SRGAP3: variants seen among roughly 807,000 people sequenced by gnomAD.
SRGAP3 encodes the protein SLIT-ROBO Rho GTPase activating protein 3.
SRGAP3 carries 39 observed loss-of-function variants against 121.1 expected under a neutral mutation model. That is an observed-to-expected ratio of 0.32 (90% confidence interval 0.25 to 0.42). The LOEUF (loss-of-function observed/expected upper bound fraction) is 0.42. Among genes scored for constraint, SRGAP3 ranks in the 10% least tolerant of loss-of-function variants. SRGAP3 has a pLI of 1.00. For missense variants in SRGAP3, 1,213 were observed against 1,470.6 expected (o/e 0.82, Z 2.86); for synonymous variants, 601 against 570.0 (o/e 1.05, Z -0.77).
intron 10 of SRGAP3, among the ~76,000 whole-genome samples, chr3:9,041,085 G>A (rs1490264266): frequency 6.6e-6 from 1 of 152,230 alleles, no homozygotes; most frequent in Non-Finnish European, 1.5e-5. Flanking sequence ...GAGTCAATAA[G>A]CAGATTACAC....
At chr3:9,266,376 A>T (rs966141770) in intron 3 of SRGAP3, among the ~76,000 whole-genome samples, 4 of 143,308 alleles carry the variant, frequency 2.8e-5, no homozygotes, top group African/African-American at 7.8e-5. Context: ...TATAATAATT[A>T]AAAAAAAAAA....
At chr3:9,295,220 T>G (rs887951205) in intron 3 of SRGAP3, among the ~76,000 whole-genome samples, 1 of 152,244 alleles carries the variant, frequency 6.6e-6, no homozygotes, top group African/African-American at 2.4e-5. Context: ...GTTTCTGCTC[T>G]GGTCTGTTGC....
chr3:9,351,080 T>C (rs774288485), intron 1 of SRGAP3, among the ~76,000 whole-genome samples: 2 of 152,024 alleles, frequency 1.3e-5, no homozygotes, highest in Non-Finnish European at 1.5e-5. Context: ...CTTCTTTACA[T>C]AGAGGCAAGA....
intron 4 of SRGAP3, among the ~76,000 whole-genome samples, chr3:9,078,585 G>A (rs568473831): frequency 1.1e-4 from 16 of 152,016 alleles, no homozygotes; most frequent in Non-Finnish European, 2.4e-4. Context: ...TATGTTCTAA[G>A]CATCCATTGC....
At chr3:9,131,504 T>C (rs903372302) in intron 1 of SRGAP3, among the ~76,000 whole-genome samples, 47 of 142,764 alleles carry the variant, frequency 3.3e-4, no homozygotes, top group Non-Finnish European at 1.5e-4. Flanking sequence ...AGTGGTGCGA[T>C]CTCAGCTCAC....
intron 3 of SRGAP3, among the ~76,000 whole-genome samples, chr3:9,292,252 C>A (rs1954882496): frequency 6.6e-6 from 1 of 152,204 alleles, no homozygotes; most frequent in Admixed American, 6.5e-5. Flanking sequence ...CTTTGAGTTT[C>A]TGACTCAGTA....
intron 1 of SRGAP3, among the ~76,000 whole-genome samples, chr3:9,180,598 G>A (rs536905340): frequency 2.6e-5 from 4 of 152,118 alleles, no homozygotes; most frequent in Non-Finnish European, 5.9e-5. Flanking sequence ...GAAGGCGTGG[G>A]CAAAAGCCAT....
intron 1 of SRGAP3, chr3:9,349,996 A>C (rs551100897): frequency 1.3e-5 from 2 of 152,004 alleles, no homozygotes; most frequent in Non-Finnish European, 2.9e-5. Flanking sequence ...GCCCTGACAC[A>C]TGGGCCCAGT....
In SRGAP3 at chr3:9,013,525, A is replaced by C; in HGVS notation, c.1930T>G (p.Tyr644Asp). ...LFAFLNHLSQ[Y>D]SDENMMDPYN... ...GGATCCATCATGTTCTCGTCGCTAT[A>C]CTGGGAGAGGCTAGGAGAGAGGAGT... The change falls in exon 17 of 22, where the codon TAT (tyrosine) becomes GAT (aspartate). Residue 644 changes from tyrosine to aspartate, a missense_variant. Physicochemically the swap from Tyr to Asp is radical, Grantham distance 160. Transcript: ENST00000383836. The C allele has an allele frequency of 2.5e-6, 4 of 1,614,084 alleles. No homozygotes were observed. The highest frequency in any genetic ancestry group is 3.4e-6 in the Non-Finnish European group (4 of 1,180,002).
At chr3:9,232,002 C>G (rs897640414) in intron 1 of SRGAP3, among the ~76,000 whole-genome samples, 1 of 152,212 alleles carries the variant, frequency 6.6e-6, no homozygotes, top group African/African-American at 2.4e-5. Context: ...CTGACTGAAA[C>G]TCGGTAAATT....
upstream of SRGAP3, among the ~76,000 whole-genome samples, chr3:9,253,496 G>T (rs191682432): frequency 6.6e-6 from 1 of 152,172 alleles, no homozygotes; most frequent in Non-Finnish European, 1.5e-5. Context: ...AAGAAAAAAG[G>T]CTTCATCTGA....
chr3:8,998,171 G>A (rs1455134541), intron 18 of SRGAP3, among the ~76,000 whole-genome samples: 1 of 152,202 alleles, frequency 6.6e-6, no homozygotes, highest in African/African-American at 2.4e-5. Flanking sequence ...TTACAGGCGT[G>A]AGCCACCACC....
At chr3:9,055,205 A>G (rs1053016704) in intron 8 of SRGAP3, among the ~76,000 whole-genome samples, 2 of 152,204 alleles carry the variant, frequency 1.3e-5, no homozygotes, top group Admixed American at 1.3e-4. Flanking sequence ...CTGAGCTCCA[A>G]TCTGTCTCAC....
intron 1 of SRGAP3, among the ~76,000 whole-genome samples, chr3:9,240,522 T>C (rs931306670): frequency 3.9e-5 from 6 of 152,136 alleles, no homozygotes; most frequent in Admixed American, 6.5e-5. Flanking sequence ...TACTCAGCTC[T>C]GCCTCCCCAG....
chr3:9,187,304 T>C (rs930013945), intron 1 of SRGAP3, among the ~76,000 whole-genome samples: 1 of 152,164 alleles, frequency 6.6e-6, no homozygotes, highest in Non-Finnish European at 1.5e-5. Context: ...AGGTGAAAAG[T>C]TGCAGAGAGG....
At chr3:9,275,911 G>C (rs1954566213) in intron 3 of SRGAP3, among the ~76,000 whole-genome samples, 2 of 152,086 alleles carry the variant, frequency 1.3e-5, no homozygotes, top group Admixed American at 1.3e-4. Flanking sequence ...AAAAAAATAA[G>C]TTTCTCAGCC....
chr3:9,253,671 C>T (rs954490505), upstream of SRGAP3, among the ~76,000 whole-genome samples: 1 of 152,218 alleles, frequency 6.6e-6, no homozygotes, highest in Admixed American at 6.5e-5. Flanking sequence ...CCTTCAAGCC[C>T]TGCTCTGCAA....
At chr3:9,282,331 A>G (rs971477204) in intron 3 of SRGAP3, among the ~76,000 whole-genome samples, 6 of 152,276 alleles carry the variant, frequency 3.9e-5, no homozygotes, top group African/African-American at 1.4e-4. Context: ...TTTATAAAAT[A>G]TAAGTATCTT....
intron 18 of SRGAP3, among the ~76,000 whole-genome samples, chr3:9,000,731 CT>C (rs1425342429): frequency 6.6e-6 from 1 of 152,210 alleles, no homozygotes; most frequent in Admixed American, 6.5e-5. Context: ...CAAACATTGA[CT>C]TCAGAAACTA....
Sources: allele counts gnomAD v4.1 joint callset (sites outside exome capture counted in the v4.1 genomes callset), GRCh38; gene constraint gnomAD v4.1.1; transcripts MANE v1.5; gene names NCBI Gene and HGNC (gene_info 2026-07-23, HGNC 2026-07-21).